The following TMEM131L variants were observed in gnomAD, a reference collection of about 807,000 sequenced individuals.
The protein encoded by TMEM131L is transmembrane protein 131-like.
A neutral mutation model predicts 192.2 loss-of-function variants in TMEM131L; 54 were observed. The ratio of observed to expected loss-of-function variants is 0.28; its 90% CI spans 0.23 to 0.35. TMEM131L has a LOEUF of 0.35. Ranked by LOEUF, TMEM131L falls within the 10% of genes least tolerant of loss-of-function variation. TMEM131L has a pLI of 1.00. For synonymous variants in TMEM131L, 701 were observed against 704.9 expected, an observed-to-expected ratio of 0.99 and a Z score of 0.09; for missense variants, 1,888 against 1,972.9, an observed-to-expected ratio of 0.96 and a Z score of 0.82.
chr4:153,606,428 A>T, intron 25 of TMEM131L, among the ~76,000 whole-genome samples: 1 of 152,162 alleles, frequency 6.6e-6, no homozygotes, highest in Non-Finnish European at 1.5e-5. Flanking sequence ...GACCTTCTAT[A>T]TCTTAATACT....
In TMEM131L at chr4:153,478,560, A is replaced by C. The variant is rs572317693; in HGVS notation, c.239+4672A>C. ...ACATTAGTATCTTACTGTGAGCTAAACTCCACACTTTATTCACATTTCACT... is the reference window on the plus strand; with the variant it reads ...ACATTAGTATCTTACTGTGAGCTAACCTCCACACTTTATTCACATTTCACT... On this transcript the variant is annotated intron_variant, in intron 3 of 34. Transcript: ENST00000409959. Among the ~76,000 whole-genome samples the C allele has an allele frequency of 2.6e-5, 4 of 152,130 alleles. No homozygotes were observed. The South Asian group carries it at 8.3e-4, about 32-fold the overall frequency.
intron 7 of TMEM131L, among the ~76,000 whole-genome samples, chr4:153,572,404 C>G (rs1729647453): frequency 6.6e-6 from 1 of 152,132 alleles, no homozygotes; most frequent in South Asian, 2.1e-4. Context: ...GATCTCGGCT[C>G]ACTGCAACCT....
chr4:153,604,518 T>C (rs73856931), intron 25 of TMEM131L, 88 bp downstream of exon 25: 13,147 of 1,300,790 alleles, frequency 0.01, 177 homozygotes, highest in Middle Eastern at 0.053. Context: ...ACCGTTAGTT[T>C]TAATTGTGGA....
chr4:153,585,505 A>G lies in TMEM131L; in HGVS notation c.1205A>G (p.His402Arg), dbSNP rs559318832. 11 of 1,614,140 alleles carry G rather than the reference A, an allele frequency of 6.8e-6. 1 individual carries two copies. The highest frequency in any genetic ancestry group is 4.0e-5 in the African/African-American group (3 of 75,044). Residue 402 changes from histidine (H) to arginine (R), a missense_variant, in exon 13 of 35, where the codon CAT (histidine) becomes CGT (arginine). By Grantham distance (29) the His-to-Arg change is conservative (BLOSUM62 0). Coordinates refer to ENST00000409959, the MANE Select transcript of TMEM131L (RefSeq NM_001131007.2). ...GCAACCCAGTTTCACATAGAGACTCATGAGAACACATCAGGACTTTGGTCA... is the reference window on the plus strand; with the variant it reads ...GCAACCCAGTTTCACATAGAGACTCGTGAGAACACATCAGGACTTTGGTCA... ...SSATQFHIET[H>R]ENTSGLWSIW... is the part of the protein sequence containing the mutation.
chr4:153,526,404 A>T (rs1220456946), intron 3 of TMEM131L, among the ~76,000 whole-genome samples: 1 of 152,094 alleles, frequency 6.6e-6, no homozygotes, highest in African/African-American at 2.4e-5. Flanking sequence ...TGGATAGAGG[A>T]TGCAGGGATG....
At chr4:153,628,440 A>C (rs192975835) in intron 31 of TMEM131L, among the ~76,000 whole-genome samples, 103 of 152,240 alleles carry the variant, frequency 6.8e-4, no homozygotes, top group Non-Finnish European at 1.1e-3. Context: ...GATAAACCTG[A>C]TTTTTATTCT....
At chr4:153,490,002 T>C (rs1440912974) in intron 3 of TMEM131L, among the ~76,000 whole-genome samples, 1 of 152,054 alleles carries the variant, frequency 6.6e-6, no homozygotes, top group African/African-American at 2.4e-5. Flanking sequence ...ATTCCCAGGC[T>C]GAAGCAGGTC....
rs560586976 is a variant in TMEM131L, at chr4:153,552,713, A to G, written c.308+2572A>G. Among the ~76,000 whole-genome samples the G allele has an allele frequency of 5.9e-5, 9 of 152,224 alleles. No homozygotes were observed. In the South Asian group the frequency reaches 1.9e-3, roughly 32 times the overall value. ...GCTAAGCATGGTGGTGCACACCTGT[A>G]CTTCCAGCTACTCATGAGGCTGAGG... On this transcript the variant is annotated intron_variant, in intron 4 of 34. Coordinates refer to ENST00000409959, the MANE Select transcript of TMEM131L (RefSeq NM_001131007.2).
chr4:153,573,448 T>A (rs556345392), intron 7 of TMEM131L, among the ~76,000 whole-genome samples: 1 of 152,352 alleles, frequency 6.6e-6, no homozygotes, highest in Admixed American at 6.5e-5. Flanking sequence ...TAAAAATAGT[T>A]ACTTGCCTTT....
In TMEM131L at chr4:153,603,914, A is replaced by T. The variant is rs1732028052; in HGVS notation, c.2902A>T (p.Ser968Cys). The T allele has an allele frequency of 6.2e-7, 1 of 1,614,114 alleles. No individual in the cohort carries two copies. Among genetic ancestry groups the T allele is most frequent in the Non-Finnish European group, 8.5e-7 (1 of 1,180,002 alleles). The change falls in exon 25 of 35, where the codon AGC (serine) becomes TGC (cysteine). Residue 968 changes from serine (S) to cysteine (C), a missense_variant. Ser to Cys is a moderately radical substitution (Grantham distance 112). Transcript: ENST00000409959. Reference sequence around the variant, plus strand: ...CAGGATCCAGAATGCTGCAAAGAGGAGCCCAGCCACCTATGGTCATTCTCA... The same window carrying T: ...CAGGATCCAGAATGCTGCAAAGAGGTGCCCAGCCACCTATGGTCATTCTCA... ...QSRIQNAAKR[S>C]PATYGHSQKK...
intron 31 of TMEM131L, among the ~76,000 whole-genome samples, chr4:153,628,831 C>T (rs968397563): frequency 6.6e-6 from 1 of 152,130 alleles, no homozygotes; most frequent in Non-Finnish European, 1.5e-5. Context: ...TGGAGATATA[C>T]GTGCGGTTTG....
chr4:153,483,228 G>A (rs1389698047), intron 3 of TMEM131L, among the ~76,000 whole-genome samples: 3 of 152,206 alleles, frequency 2.0e-5, no homozygotes, highest in South Asian at 2.1e-4. Flanking sequence ...TTGCCTTTGG[G>A]AGAAGTGGTT....
intron 33 of TMEM131L, 132 bp from the exon 34 acceptor site, chr4:153,635,300 C>T: frequency 1.3e-6 from 1 of 779,842 alleles, no homozygotes; most frequent in Non-Finnish European, 2.1e-6. Context: ...CTCTCCTGGT[C>T]CACACGGACC....
chr4:153,622,968 G>T lies in TMEM131L; in HGVS notation c.3930G>T (p.Gly1310=), dbSNP rs746979591. Residue 1310 remains glycine, a synonymous_variant, in exon 29 of 35, where the codon GGG becomes GGT. Transcript: ENST00000409959. ...KFCSDSSSDC[G]SSSGSVRASR... ...GCTCCGATTCCAGCTCTGACTGTGG[G>T]AGCTCCTCTGGCAGCGTGCGTGCCA... 1.2e-6 allele frequency: 2 copies of T among 1,614,112 alleles called. No homozygotes were observed. Among genetic ancestry groups the T allele is most frequent in the Admixed American group, 3.3e-5 (2 of 60,008 alleles).
At chr4:153,546,427 GCTGA>G (rs1737180022) in intron 3 of TMEM131L, among the ~76,000 whole-genome samples, 1 of 152,066 alleles carries the variant, frequency 6.6e-6, no homozygotes, top group African/African-American at 2.4e-5. Flanking sequence ...AATGTGAAAT[GCTGA>G]CTTTCGCAAG....
chr4:153,604,066 A>C lies in TMEM131L; in HGVS notation c.3054A>C (p.Lys1018Asn). ...SPLGSSLPAA[K>N]EDICTDAMRE... ...TGGGCAGCTCACTGCCTGCTGCTAA[A>C]GAGGACATTTGCACTGATGCCATGC... The change falls in exon 25 of 35, where the codon AAA becomes AAC. Residue 1018 changes from lysine (K) to asparagine (N), a missense_variant. Transcript: ENST00000409959. 1 of 1,614,220 alleles carries C rather than the reference A, an allele frequency of 6.2e-7. No individual in the cohort carries two copies. Among genetic ancestry groups the C allele is most frequent in the South Asian group, 1.1e-5 (1 of 91,086 alleles).
chr4:153,473,434 C>T (rs775805434), intron 2 of TMEM131L, among the ~76,000 whole-genome samples: 61 of 152,204 alleles, frequency 4.0e-4, no homozygotes, highest in Non-Finnish European at 6.6e-4. Context: ...CTGGGTTTCC[C>T]GTGAGTGGGT....
intron 3 of TMEM131L, among the ~76,000 whole-genome samples, chr4:153,532,908 C>T (rs1434521924): frequency 1.3e-5 from 2 of 152,006 alleles, no homozygotes; most frequent in Non-Finnish European, 2.9e-5. Flanking sequence ...AACTCATTGG[C>T]CCTGGTAACC....
At chr4:153,557,136 G>A (rs1728524500) in intron 6 of TMEM131L, 54 bp downstream of exon 6, 3 of 780,898 alleles carry the variant, frequency 3.8e-6, no homozygotes, top group Non-Finnish European at 4.5e-6. Context: ...AACTGTAGGG[G>A]TGTGTGTGTA....
Sources: allele counts gnomAD v4.1 joint callset (sites outside exome capture counted in the v4.1 genomes callset), GRCh38; gene constraint gnomAD v4.1.1; transcripts MANE v1.5; gene names NCBI Gene and HGNC (gene_info 2026-07-23, HGNC 2026-07-21).